The following FAM76A variants were observed in gnomAD, a reference collection of about 807,000 sequenced individuals.
FAM76A encodes protein FAM76A.
A neutral mutation model predicts 46.2 loss-of-function variants in FAM76A; 32 were observed. The observed-to-expected ratio is 0.69, with a 90% CI of 0.52 to 0.93. The LOEUF is 0.93. FAM76A is among the 40% of genes least tolerant of loss of function. FAM76A has a pLI of 0.00. For missense variants in FAM76A, 274 were observed against 361.5 expected (o/e 0.76, Z 1.96); for synonymous variants, 137 against 127.0 (o/e 1.08, Z -0.53).
intron 7 of FAM76A, among the ~76,000 whole-genome samples, chr1:27,757,914 T>A (rs2088441339): frequency 1.3e-5 from 2 of 151,906 alleles, no homozygotes; most frequent in South Asian, 4.2e-4. Flanking sequence ...GAGGCGGAGC[T>A]TGCTGTGAGC....
intron 2 of FAM76A, among the ~76,000 whole-genome samples, chr1:27,728,335 A>G (rs1195207194): frequency 2.6e-5 from 4 of 151,994 alleles, no homozygotes; most frequent in Admixed American, 6.6e-5. Flanking sequence ...CTCACTTGCC[A>G]TTACACTTTC....
chr1:27,750,942 G>C (rs1051975403), intron 6 of FAM76A, among the ~76,000 whole-genome samples: 2 of 152,198 alleles, frequency 1.3e-5, no homozygotes, highest in Non-Finnish European at 2.9e-5. Context: ...GCCAAGGCTG[G>C]TGAATCACCC....
intron 1 of FAM76A, among the ~76,000 whole-genome samples, chr1:27,727,154 G>A (rs560396667): frequency 2.0e-5 from 3 of 152,108 alleles, no homozygotes; most frequent in African/African-American, 7.2e-5. Context: ...CAAGTAAACC[G>A]CAAAATCACA....
intron 4 of FAM76A, chr1:27,740,399 C>T: frequency 7.2e-7 from 1 of 1,379,434 alleles, no homozygotes; most frequent in Non-Finnish European, 1.0e-6. Context: ...GGCAGAAATT[C>T]ATGGATGATA....
intron 4 of FAM76A, chr1:27,740,470 T>C (rs770933649): frequency 4.9e-5 from 72 of 1,468,848 alleles, no homozygotes; most frequent in Non-Finnish European, 6.2e-5. Context: ...AGGTCGATGG[T>C]GGAGTAGGTC....
chr1:27,760,318 T>C (rs2088483521), intron 8 of FAM76A, 177 bp from the exon 9 acceptor site: 3 of 489,392 alleles, frequency 6.1e-6, no homozygotes, highest in African/African-American at 6.0e-5. Flanking sequence ...CAAATACTTT[T>C]TTCTCCTGAA....
At chr1:27,728,963 CAA>C (rs111829326) in intron 2 of FAM76A, among the ~76,000 whole-genome samples, 21 of 117,136 alleles carry the variant, frequency 1.8e-4, no homozygotes, top group Non-Finnish European at 2.4e-4. Flanking sequence ...AACTCTGTCT[CAA>C]AAAAAAAAAA....
At chr1:27,740,269 G>A (rs2088129415) in intron 4 of FAM76A, 1 of 737,544 alleles carries the variant, frequency 1.4e-6, no homozygotes, top group African/African-American at 1.7e-5. Flanking sequence ...GAAGACATTT[G>A]GGAGAATGGG....
At chr1:27,740,059 T>C in intron 4 of FAM76A, 1 of 405,998 alleles carries the variant, frequency 2.5e-6, no homozygotes, top group Non-Finnish European at 4.8e-6. Context: ...CTGGATGTCA[T>C]GGATGGGCAC....
intron 5 of FAM76A, 33 bp downstream of exon 5, chr1:27,744,844 G>A: frequency 3.1e-6 from 5 of 1,598,554 alleles, no homozygotes; most frequent in African/African-American, 1.3e-5. Context: ...GGGACTAGAA[G>A]TGCTGGTAGG....
intron 7 of FAM76A, among the ~76,000 whole-genome samples, chr1:27,757,025 C>A (rs575035990): frequency 6.6e-6 from 1 of 151,776 alleles, no homozygotes; most frequent in East Asian, 1.9e-4. Context: ...TACCACTGCA[C>A]TCCAGCCTGT....
intron 4 of FAM76A, among the ~76,000 whole-genome samples, chr1:27,737,710 G>A (rs1275442487): frequency 1.3e-5 from 2 of 151,804 alleles, no homozygotes; most frequent in African/African-American, 4.8e-5. Context: ...AAATTAGCCG[G>A]GCATGGTGAC....
chr1:27,751,526 A>C, intron 6 of FAM76A, among the ~76,000 whole-genome samples: 1 of 144,988 alleles, frequency 6.9e-6, no homozygotes. Context: ...TTTTTTTGAG[A>C]CAGGGTCTCA....
chr1:27,754,063 T>G (rs1212665376), intron 6 of FAM76A, among the ~76,000 whole-genome samples: 1 of 151,966 alleles, frequency 6.6e-6, no homozygotes, highest in African/African-American at 2.4e-5. Flanking sequence ...GTACATATAA[T>G]TTTGGGGTTT....
chr1:27,759,973 A>C (rs577754067), intron 8 of FAM76A: 2 of 458,986 alleles, frequency 4.4e-6, no homozygotes, highest in Non-Finnish European at 8.7e-6. Context: ...GGCTCTCGCT[A>C]TATTGCCTGG....
At chr1:27,728,000 G>A (rs1178041224) in intron 2 of FAM76A, among the ~76,000 whole-genome samples, 1 of 151,888 alleles carries the variant, frequency 6.6e-6, no homozygotes, top group Non-Finnish European at 1.5e-5. Context: ...AGTAGACGGG[G>A]TTTCACCATC....
chr1:27,740,506 G>C, intron 4 of FAM76A: 1 of 1,420,864 alleles, frequency 7.0e-7, no homozygotes, highest in Non-Finnish European at 9.9e-7. Flanking sequence ...AGTGTGCAGA[G>C]GCAGGAGCTA....
intron 5 of FAM76A, among the ~76,000 whole-genome samples, chr1:27,748,502 C>G (rs1399862921): frequency 7.6e-6 from 1 of 131,212 alleles, no homozygotes; most frequent in Non-Finnish European, 1.6e-5. Flanking sequence ...GGCGGAGTCT[C>G]GCCAGGCTGG....
At chr1:27,726,450 T>A (rs1322337612) in intron 1 of FAM76A, among the ~76,000 whole-genome samples, 1 of 152,024 alleles carries the variant, frequency 6.6e-6, no homozygotes, top group Non-Finnish European at 1.5e-5. Context: ...CCCTGACTGG[T>A]CGCCTTCGGG....
Sources: allele counts gnomAD v4.1 joint callset (sites outside exome capture counted in the v4.1 genomes callset), GRCh38; gene constraint gnomAD v4.1.1; transcripts MANE v1.5; gene names NCBI Gene and HGNC (gene_info 2026-07-23, HGNC 2026-07-21).